INF2: variants seen among roughly 807,000 people sequenced by gnomAD.
INF2 encodes the protein inverted formin-2.
INF2 carries 43 observed loss-of-function variants against 123.5 expected under a neutral mutation model. The observed-to-expected ratio is 0.35, with a 90% CI of 0.27 to 0.45. The LOEUF (loss-of-function observed/expected upper bound fraction) is 0.45, where lower values mean the gene tolerates loss of function less well. Among genes scored for constraint, INF2 ranks in the 20% least tolerant of loss-of-function variants. The pLI, the probability that INF2 is intolerant of heterozygous loss-of-function variation, is 1.00. For missense variants in INF2, 1,453 were observed against 1,682.7 expected (o/e 0.86, Z 2.39); for synonymous variants, 851 against 745.0 (o/e 1.14, Z -2.32).
chr14:104,713,044 G>A, intron 18 of INF2, 52 bp downstream of exon 18: 2 of 1,609,500 alleles, frequency 1.2e-6, no homozygotes, highest in Non-Finnish European at 1.7e-6. Context: ...GGGTCCCGAG[G>A]CCCCTGGCCT....
At chr14:104,692,055 C>T (rs992496428) in intron 1 of INF2, among the ~76,000 whole-genome samples, 6 of 152,198 alleles carry the variant, frequency 3.9e-5, no homozygotes, top group Non-Finnish European at 7.3e-5. Context: ...TGCTTAGGGT[C>T]GCCCCTCTGA....
In INF2 at chr14:104,721,063, AGTCTCG is replaced by A. The variant is rs1890537880; in HGVS notation, c.*2271_*2276del. 2 of 7,828 alleles carry A rather than the reference AGTCTCG, an allele frequency of 2.6e-4. No homozygotes were observed. The highest frequency in any genetic ancestry group is 2.1e-3 in the Admixed American group (1 of 480). 0.5% of individuals were successfully genotyped at this position (7,828 alleles called of 1,614,324 possible). A position where few individuals can be genotyped will look rare whatever the true frequency, so the allele number is the denominator to read the frequency against. ...TGGATGCTGCTGTGGACGTCTGCGT[AGTCTCG>A]TGTGGATGCTGCTGTGGACGTCTGC... On this transcript the variant is annotated 3_prime_UTR_variant, in exon 23 of 23. Coordinates refer to ENST00000392634, the MANE Select transcript of INF2 (RefSeq NM_022489.4).
At chr14:104,717,713 G>A (rs1376142535) in intron 22 of INF2, 2 of 152,222 alleles carry the variant, frequency 1.3e-5, no homozygotes, top group African/African-American at 4.8e-5. Flanking sequence ...CCCCAGCTGG[G>A]TGGGGACGTT....
chr14:104,684,142 C>G lies in INF2; in HGVS notation c.-104+2560C>G. The G allele has an allele frequency of 2.2e-6, 1 of 455,968 alleles. No individual in the cohort carries two copies. Among genetic ancestry groups the G allele is most frequent in the Non-Finnish European group, 4.4e-6 (1 of 226,706 alleles). The allele number at this position is 455,968 out of a possible 1,614,324, so 28.2% of individuals were successfully genotyped here. ...TTCAAAGCTGAGCGGCTCTCCCCAT[C>G]ATGCAAGTAACCTGCGTGCCGCCAC... On this transcript the variant is annotated intron_variant, in intron 1 of 2. Transcript: ENST00000674723. The surrounding 1 kb of genome is among the most constrained non-coding windows in gnomAD (Gnocchi z 5.0).
intron 1 of INF2, among the ~76,000 whole-genome samples, chr14:104,691,891 G>A (rs1313869049): frequency 1.3e-5 from 2 of 152,170 alleles, no homozygotes; most frequent in East Asian, 3.9e-4. Context: ...GGTGAGGTCT[G>A]CTCACACAGC....
rs1420347614 is a variant in INF2 at position 104,707,725 on chromosome 14, C to T, written c.1458C>T (p.Phe486=). ...LPPPLPGSCE[F]LPPPPPPLPG... The stretch of plus-strand genomic sequence containing the variant: ...CACCCCTGCCAGGCTCCTGTGAGTT[C>T]CTGCCCCCACCACCTCCACCACTCC... Residue 486 remains phenylalanine, a synonymous_variant, in exon 8 of 23, where the codon TTC becomes TTT. Coordinates refer to ENST00000392634, the MANE Select transcript of INF2 (RefSeq NM_022489.4). 7.5e-5 allele frequency: 90 copies of T among 1,194,618 alleles called. No homozygotes were observed. Among genetic ancestry groups the T allele is most frequent in the Admixed American group, 2.2e-4 (10 of 45,284 alleles). The allele number at this position is 1,194,618 out of a possible 1,614,324, so 74.0% of individuals were successfully genotyped here. A position where few individuals can be genotyped will look rare whatever the true frequency, so the allele number is the denominator to read the frequency against.
chr14:104,698,246 C>CT (rs1889288287), intron 1 of INF2, among the ~76,000 whole-genome samples: 1 of 152,256 alleles, frequency 6.6e-6, no homozygotes, highest in Non-Finnish European at 1.5e-5. Context: ...GCACTGGCAC[C>CT]TTCCAGCGTA....
intron 1 of INF2, among the ~76,000 whole-genome samples, chr14:104,682,189 A>T (rs942104975): frequency 2.0e-5 from 3 of 152,166 alleles, no homozygotes; most frequent in Admixed American, 2.0e-4. Flanking sequence ...GGAGAAAGGG[A>T]ACGCTGTGCC....
At chr14:104,706,856 A>G in intron 6 of INF2, 54 bp from the exon 7 acceptor site, 2 of 1,588,960 alleles carry the variant, frequency 1.3e-6, no homozygotes, top group Middle Eastern at 3.5e-4. Context: ...CACAGTCCTT[A>G]GTCCACCAGG....
chr14:104,697,350 A>C (rs940731827), intron 1 of INF2, among the ~76,000 whole-genome samples: 2 of 152,198 alleles, frequency 1.3e-5, no homozygotes, highest in South Asian at 4.1e-4. Flanking sequence ...TGGGTACCCT[A>C]ACCCTGGCCT....
chr14:104,701,908 TG>T, intron 2 of INF2, 152 bp downstream of exon 2: 1 of 848,432 alleles, frequency 1.2e-6, no homozygotes, highest in South Asian at 1.9e-5. Flanking sequence ...ACTGGCTTCC[TG>T]GGCTCAGGAA....
Position 104,710,196 on chromosome 14 carries a change from G to T in INF2, c.2239+8G>T. 6.5e-7 allele frequency: 1 copy of T among 1,538,376 alleles called. No individual in the cohort carries two copies. On this transcript the variant is annotated splice_region_variant and intron_variant, in intron 13 of 22. Transcript: ENST00000392634. ...TGCTGGCTGCCTGCGAAAGTGAGTG[G>T]GGCCAAGCGGGGCACGTGTGCAGGA...
Position 104,707,380 on chromosome 14 carries a change from C to A in INF2, c.1113C>A (p.Ser371Arg). 1 of 1,593,000 alleles carries A rather than the reference C, an allele frequency of 6.3e-7. No individual in the cohort carries two copies. The highest frequency in any genetic ancestry group is 1.7e-5 in the Admixed American group (1 of 57,526). ...QANLDQSQRG[S>R]SPQNTTTPKP... ...ACCTAGACCAGAGCCAGAGGGGCAG[C>A]TCCCCGCAAAACACTACAACCCCCA... The change falls in exon 8 of 23, where the codon AGC (serine) becomes AGA (arginine). Residue 371 changes from serine (S) to arginine (R), a missense_variant. Physicochemically the swap from Ser to Arg is moderately radical, Grantham distance 110. This residue lies in a region of INF2 where 374 missense variants were observed against 303.7 expected (regional missense o/e 1.23). Transcript: ENST00000392634.
At chr14:104,711,277 C>A in intron 15 of INF2, 91 bp downstream of exon 15, 1 of 1,103,628 alleles carries the variant, frequency 9.1e-7, no homozygotes. Flanking sequence ...CCCATGCCCA[C>A]CACTCAGGCC....
intron 12 of INF2, 63 bp downstream of exon 12, chr14:104,709,768 G>C: frequency 7.0e-7 from 1 of 1,420,902 alleles, no homozygotes; most frequent in South Asian, 1.1e-5. Context: ...GCAGGAATAG[G>C]GAGCAGGGCC....
rs2140665449 is a variant in INF2, at chr14:104,706,920, C to T, written c.854C>T (p.Ser285Phe). ...CACTCGCCCGTCCAGGTGAGCTGCT[C>T]CCCGGTGTCTGCCCAGCTCCTGTCG... ...FASLFHKVSC[S>F]PVSAQLLSVL... The change falls in exon 7 of 23, where the codon TCC becomes TTC. Residue 285 changes from serine (S) to phenylalanine (F), a missense_variant. By Grantham distance (155) the Ser-to-Phe change is radical (BLOSUM62 -2). This residue lies in a region of INF2 where 251 missense variants were observed against 349.4 expected (regional missense o/e 0.72). Transcript: ENST00000392634. 3 of 1,604,302 alleles carry T rather than the reference C, an allele frequency of 1.9e-6. No individual in the cohort carries two copies. The highest frequency in any genetic ancestry group is 2.5e-6 in the Non-Finnish European group (3 of 1,179,324).
chr14:104,708,560 C>T lies in INF2; in HGVS notation c.1860C>T (p.Ala620=). 6.2e-7 allele frequency: 1 copy of T among 1,612,118 alleles called. No homozygotes were observed. The highest frequency in any genetic ancestry group is 8.5e-7 in the Non-Finnish European group (1 of 1,179,718). ...AGCCCAAGGAGCCCACCATGGTGGC[C>T]CCCCGGGCCAGGAAGGAGCCCAAGG... ...AAKPKEPTMV[A]PRARKEPKEI... is the part of the protein sequence containing the mutation. The change falls in exon 9 of 23, where the codon GCC becomes GCT. Residue 620 remains alanine (A), a synonymous_variant. Transcript: ENST00000392634.
chr14:104,687,705 C>T (rs921014394), upstream of INF2, among the ~76,000 whole-genome samples: 8 of 152,132 alleles, frequency 5.3e-5, no homozygotes, highest in Non-Finnish European at 8.8e-5. This position sits in a 1 kb window ranked among gnomAD's most constrained non-coding sequence, Gnocchi z 5.6. Flanking sequence ...GCCCTGGGGG[C>T]GCTGGGCCTC....
upstream of INF2, among the ~76,000 whole-genome samples, chr14:104,686,509 G>A (rs575925901): frequency 6.6e-6 from 1 of 152,166 alleles, no homozygotes; most frequent in South Asian, 2.1e-4. Flanking sequence ...GGATGAATGG[G>A]TGAATGGGTA....
Sources: gnomAD v4.1 joint callset for allele counts (sites outside exome capture counted in the v4.1 genomes callset) on GRCh38, gnomAD v4.1.1 for gene constraint, gnomAD v4.1.1 regional missense constraint, Gnocchi (gnomAD v3.1) non-coding constraint, MANE v1.5 for transcripts, NCBI Gene and HGNC (gene_info 2026-07-23, HGNC 2026-07-21) for gene names.